Variants in LRRC4C observed in about 807,000 individuals in gnomAD.
The protein encoded by LRRC4C is leucine-rich repeat-containing protein 4C.
LRRC4C carries 5 observed loss-of-function variants against 33.6 expected under a neutral mutation model. The observed-to-expected ratio is 0.15, with a 90% CI of 0.08 to 0.31. The LOEUF is 0.31. Among genes scored for constraint, LRRC4C ranks in the 10% least tolerant of loss-of-function variants. The probability of loss-of-function intolerance (pLI) is 1.00; values close to 1 mark genes in which losing one functional copy is unlikely to be tolerated. For synonymous variants in LRRC4C, 329 were observed against 302.0 expected (o/e 1.09, Z -0.93); for missense variants, 560 against 796.7 (o/e 0.70, Z 3.58).
At chr11:41,146,310 A>C (rs1233014820) in intron 1 of LRRC4C, among the ~76,000 whole-genome samples, 1 of 152,236 alleles carries the variant, frequency 6.6e-6, no homozygotes, top group Non-Finnish European at 1.5e-5. Context: ...GAGCTTCGTC[A>C]GTCCACTCTG....
intron 2 of LRRC4C, among the ~76,000 whole-genome samples, chr11:40,668,198 T>C (rs1237215865): frequency 6.6e-6 from 1 of 152,228 alleles, no homozygotes; most frequent in African/African-American, 2.4e-5. Flanking sequence ...ATAAATGACA[T>C]TGGCATCCAA....
chr11:40,336,845 G>C (rs950220938), intron 3 of LRRC4C, among the ~76,000 whole-genome samples: 10 of 151,162 alleles, frequency 6.6e-5, no homozygotes, highest in East Asian at 3.9e-4. Context: ...GGAGTGGCGG[G>C]GGGCGCCTGT....
intron 1 of LRRC4C, among the ~76,000 whole-genome samples, chr11:41,115,165 T>TA (rs1942049077): frequency 6.6e-6 from 1 of 152,186 alleles, no homozygotes; most frequent in East Asian, 1.9e-4. Flanking sequence ...CAGAAAGACT[T>TA]AAAGAACAAA....
At chr11:40,538,574 A>G (rs1193930284) in intron 3 of LRRC4C, among the ~76,000 whole-genome samples, 1 of 152,180 alleles carries the variant, frequency 6.6e-6, no homozygotes, top group Non-Finnish European at 1.5e-5. Context: ...GCTATTGTGA[A>G]TAGTGCCGCA....
intron 5 of LRRC4C, among the ~76,000 whole-genome samples, chr11:40,211,827 T>C (rs1590722770): frequency 6.6e-6 from 1 of 152,162 alleles, no homozygotes. Flanking sequence ...CTTCCCGAAA[T>C]GTTGATATGA....
intron 1 of LRRC4C, among the ~76,000 whole-genome samples, chr11:41,048,514 C>T (rs767187174): frequency 1.2e-4 from 19 of 152,048 alleles, no homozygotes; most frequent in South Asian, 2.1e-4. Context: ...CCACCCTCCT[C>T]GGTCTCCCAA....
chr11:40,551,456 G>T (rs927468553), intron 3 of LRRC4C, among the ~76,000 whole-genome samples: 2 of 152,006 alleles, frequency 1.3e-5, no homozygotes, highest in African/African-American at 4.8e-5. Flanking sequence ...CTATATGCCA[G>T]ACATTCTATC....
chr11:41,072,584 C>G (rs1285067552), intron 1 of LRRC4C, among the ~76,000 whole-genome samples: 2 of 151,990 alleles, frequency 1.3e-5, no homozygotes, highest in Non-Finnish European at 2.9e-5. Context: ...TTTCTGAGAC[C>G]TCCGCAGCCA....
chr11:40,463,802 T>C (rs1036998987), intron 3 of LRRC4C, among the ~76,000 whole-genome samples: 1 of 152,070 alleles, frequency 6.6e-6, no homozygotes, highest in South Asian at 2.1e-4. Flanking sequence ...TATGGTAAAG[T>C]AATAGGTCTA....
At chr11:41,088,518 T>C (rs929365853) in intron 1 of LRRC4C, among the ~76,000 whole-genome samples, 4 of 152,074 alleles carry the variant, frequency 2.6e-5, no homozygotes, top group African/African-American at 9.7e-5. Context: ...TTAAAAATAG[T>C]CACCAGGTGG....
chr11:40,510,713 C>T (rs1955271389), intron 3 of LRRC4C, among the ~76,000 whole-genome samples: 1 of 152,094 alleles, frequency 6.6e-6, no homozygotes, highest in Non-Finnish European at 1.5e-5. Flanking sequence ...ATCTGGTGAC[C>T]TTGTCACCCA....
In LRRC4C at chr11:40,715,410, A is replaced by T. The variant is rs1442456261; in HGVS notation, c.-406-67132T>A. ...CAAATGAAAACAAATGTTGGCAAGTATATAGAGCAGCAACAATTGTCACAG... is the reference window on the plus strand; with the variant it reads ...CAAATGAAAACAAATGTTGGCAAGTTTATAGAGCAGCAACAATTGTCACAG... On this transcript the variant is annotated intron_variant, in intron 2 of 6. Transcript: ENST00000528697. 3.9e-5 allele frequency among the ~76,000 whole-genome samples: 6 copies of T among 152,256 alleles called. 1 individual carries two copies. Among genetic ancestry groups the T allele is most frequent in the Admixed American group, 3.9e-4 (6 of 15,290 alleles).
intron 2 of LRRC4C, among the ~76,000 whole-genome samples, chr11:40,850,424 G>A (rs1953423397): frequency 6.6e-6 from 1 of 152,082 alleles, no homozygotes; most frequent in Admixed American, 6.6e-5. Context: ...GTTTGCTGGG[G>A]GTCCACTCCA....
intron 1 of LRRC4C, among the ~76,000 whole-genome samples, chr11:40,972,402 G>GGGATTACAGGCATGC (rs1476312391): frequency 6.6e-6 from 1 of 152,120 alleles, no homozygotes; most frequent in Non-Finnish European, 1.5e-5. Context: ...TTCCCAAAGT[G>GGGATTACAGGCATGC]CTGGGATTAC....
At chr11:41,142,201 A>ATAG (rs1943537519) in intron 1 of LRRC4C, among the ~76,000 whole-genome samples, 1 of 152,194 alleles carries the variant, frequency 6.6e-6, no homozygotes, top group Admixed American at 6.5e-5. Context: ...TCGCTAAGGC[A>ATAG]TAGTAGATTC....
chr11:40,637,225 A>AG (rs1409932869), intron 3 of LRRC4C, among the ~76,000 whole-genome samples: 1 of 152,160 alleles, frequency 6.6e-6, no homozygotes, highest in Non-Finnish European at 1.5e-5. Flanking sequence ...GCCTCTTCTA[A>AG]TATTTTAAGC....
chr11:40,433,822 C>A (rs368260716), intron 3 of LRRC4C, among the ~76,000 whole-genome samples: 7 of 151,996 alleles, frequency 4.6e-5, no homozygotes, highest in African/African-American at 1.7e-4. Context: ...ACCAGCAGAG[C>A]GAGGTGTCCT....
At chr11:41,047,272 G>GA (rs1857840662) in intron 1 of LRRC4C, among the ~76,000 whole-genome samples, 1 of 151,998 alleles carries the variant, frequency 6.6e-6, no homozygotes, top group South Asian at 2.1e-4. Flanking sequence ...TTATTCATTA[G>GA]AAAAATTCCA....
At chr11:41,105,297 G>A (rs1317792809) in intron 1 of LRRC4C, among the ~76,000 whole-genome samples, 1 of 151,966 alleles carries the variant, frequency 6.6e-6, no homozygotes, top group Non-Finnish European at 1.5e-5. Context: ...TATTCTGAAT[G>A]CAGTCTAAGC....
Sources: allele counts gnomAD v4.1 joint callset (sites outside exome capture counted in the v4.1 genomes callset), GRCh38; gene constraint gnomAD v4.1.1; transcripts MANE v1.5; gene names NCBI Gene and HGNC (gene_info 2026-07-23, HGNC 2026-07-21).